The following SLC35F1 variants were observed in gnomAD, a reference collection of about 807,000 sequenced individuals.
SLC35F1 encodes the protein chromosome 6 open reading frame 169.
SLC35F1 carries 14 observed loss-of-function variants against 48.7 expected under a neutral mutation model. The observed-to-expected ratio is 0.29, with a 90% CI of 0.19 to 0.45. The LOEUF (loss-of-function observed/expected upper bound fraction) is 0.45. SLC35F1 is among the 20% of genes least tolerant of loss of function. SLC35F1 has a pLI of 1.00. For synonymous variants in SLC35F1, 190 were observed against 202.2 expected (o/e 0.94, Z 0.51); for missense variants, 404 against 500.0 (o/e 0.81, Z 1.83).
chr6:117,929,487 G>GTGTA (rs1444540719), intron 1 of SLC35F1, among the ~76,000 whole-genome samples: 1 of 149,686 alleles, frequency 6.7e-6, no homozygotes. Flanking sequence ...GTGTGTGTGT[G>GTGTA]TATAGAGAGA....
At chr6:117,945,006 A>T (rs182322714) in intron 1 of SLC35F1, among the ~76,000 whole-genome samples, 16 of 152,306 alleles carry the variant, frequency 1.1e-4, no homozygotes, top group African/African-American at 3.8e-4. Context: ...TTTGGGGGAA[A>T]CAACAGTGAA....
intron 2 of SLC35F1, among the ~76,000 whole-genome samples, chr6:118,225,632 A>G (rs2114569286): frequency 6.6e-6 from 1 of 152,350 alleles, no homozygotes; most frequent in East Asian, 1.9e-4. Flanking sequence ...AAAAGCAAAC[A>G]TGAACAAATG....
chr6:118,198,823 A>G (rs1009924293), intron 2 of SLC35F1, among the ~76,000 whole-genome samples: 2 of 152,216 alleles, frequency 1.3e-5, no homozygotes, highest in African/African-American at 4.8e-5. Context: ...GACTCTAAAC[A>G]CCTTACTAAT....
chr6:117,966,140 C>CCG (rs1554219378), intron 1 of SLC35F1, among the ~76,000 whole-genome samples: 1 of 128,098 alleles, frequency 7.8e-6, no homozygotes, highest in Non-Finnish European at 1.7e-5. Context: ...CGCCCCCCCC[C>CCG]CCACTCCCGC....
intron 1 of SLC35F1, among the ~76,000 whole-genome samples, chr6:118,070,910 A>ACACAG (rs1772695908): frequency 7.2e-6 from 1 of 137,960 alleles, no homozygotes; most frequent in Non-Finnish European, 1.5e-5. Context: ...TACTATATAT[A>ACACAG]TATACATAGT....
At chr6:118,000,207 A>C (rs558815712) in intron 1 of SLC35F1, among the ~76,000 whole-genome samples, 3 of 152,322 alleles carry the variant, frequency 2.0e-5, no homozygotes, top group East Asian at 3.9e-4. Context: ...TCAATAAAAT[A>C]CTGGCAAACG....
chr6:117,930,692 C>A (rs960802172), intron 1 of SLC35F1, among the ~76,000 whole-genome samples: 1 of 152,102 alleles, frequency 6.6e-6, no homozygotes, highest in African/African-American at 2.4e-5. Flanking sequence ...TGTTTGTATT[C>A]CAGTCTTATC....
chr6:118,261,173 A>T (rs768481472), intron 3 of SLC35F1, among the ~76,000 whole-genome samples: 5 of 152,228 alleles, frequency 3.3e-5, no homozygotes, highest in Non-Finnish European at 7.3e-5. Context: ...TCCCCATGGC[A>T]TGTCTTATAA....
intron 1 of SLC35F1, among the ~76,000 whole-genome samples, chr6:117,946,451 C>A (rs1275041948): frequency 1.3e-5 from 2 of 152,110 alleles, no homozygotes; most frequent in African/African-American, 4.8e-5. Context: ...TCACAGAGGT[C>A]CTAAGGGCTG....
chr6:118,216,387 T>C (rs1181145466), intron 2 of SLC35F1, among the ~76,000 whole-genome samples: 1 of 151,472 alleles, frequency 6.6e-6, no homozygotes, highest in Non-Finnish European at 1.5e-5. Flanking sequence ...TTAGAATTCT[T>C]ATTTTATAAT....
At chr6:118,088,334 G>A (rs937100020) in intron 1 of SLC35F1, among the ~76,000 whole-genome samples, 3 of 152,182 alleles carry the variant, frequency 2.0e-5, no homozygotes, top group Non-Finnish European at 2.9e-5. Flanking sequence ...CCCTGGCACT[G>A]TGTAGTAAAC....
intron 7 of SLC35F1, 80 bp from the exon 8 acceptor site, chr6:118,313,948 C>A: frequency 7.7e-7 from 1 of 1,303,720 alleles, no homozygotes; most frequent in Non-Finnish European, 1.1e-6. Context: ...AGCAGCTCTG[C>A]TCATGTTTCT....
intron 1 of SLC35F1, among the ~76,000 whole-genome samples, chr6:117,969,419 G>A (rs1407407006): frequency 6.6e-6 from 1 of 152,124 alleles, no homozygotes; most frequent in Non-Finnish European, 1.5e-5. Context: ...TCCTGATTCA[G>A]AAACGTAATG....
intron 1 of SLC35F1, among the ~76,000 whole-genome samples, chr6:118,090,743 G>A (rs1167619999): frequency 6.6e-6 from 1 of 152,152 alleles, no homozygotes; most frequent in African/African-American, 2.4e-5. Flanking sequence ...TGAGAAATCA[G>A]TGGAGGTTTC....
At chr6:117,966,184 T>G (rs1178485522) in intron 1 of SLC35F1, among the ~76,000 whole-genome samples, 1 of 118,850 alleles carries the variant, frequency 8.4e-6, no homozygotes, top group Non-Finnish European at 1.7e-5. Flanking sequence ...CCTGCTGGGG[T>G]CCCTGTCCAT....
intron 1 of SLC35F1, among the ~76,000 whole-genome samples, chr6:117,973,073 C>T (rs752457100): frequency 9.9e-5 from 15 of 152,238 alleles, no homozygotes; most frequent in Middle Eastern, 3.4e-3. Flanking sequence ...TTATTTTTTT[C>T]ACAATATCTC....
At chr6:118,233,169 G>C (rs770245141) in intron 2 of SLC35F1, among the ~76,000 whole-genome samples, 1 of 152,166 alleles carries the variant, frequency 6.6e-6, no homozygotes, top group African/African-American at 2.4e-5. Flanking sequence ...GTTTCACCAC[G>C]TTGGCCAGGA....
At chr6:118,170,308 C>A (rs1774383775) in intron 2 of SLC35F1, among the ~76,000 whole-genome samples, 1 of 152,176 alleles carries the variant, frequency 6.6e-6, no homozygotes. Flanking sequence ...GGCACATGCC[C>A]ACTTTATAGA....
intron 2 of SLC35F1, among the ~76,000 whole-genome samples, chr6:118,169,882 G>A (rs1384809185): frequency 6.6e-6 from 1 of 152,092 alleles, no homozygotes; most frequent in East Asian, 1.9e-4. Flanking sequence ...TTTTAATAAG[G>A]ATTCAAAGAA....
Sources: allele counts gnomAD v4.1 joint callset (sites outside exome capture counted in the v4.1 genomes callset), GRCh38; gene constraint gnomAD v4.1.1; transcripts MANE v1.5; gene names NCBI Gene and HGNC (gene_info 2026-07-23, HGNC 2026-07-21).